KCNK10: variants seen among roughly 807,000 people sequenced by gnomAD.
KCNK10 encodes the protein potassium two pore domain channel subfamily K member 10, also known as potassium channel subfamily K member 10.
In KCNK10, 25 loss-of-function variants were observed where a neutral mutation model predicts 47.7. The observed-to-expected ratio is 0.52, with a 90% CI of 0.38 to 0.73. The LOEUF (loss-of-function observed/expected upper bound fraction) is 0.73. Ranked by LOEUF, KCNK10 falls within the 30% of genes least tolerant of loss-of-function variation. The pLI is 0.00. For synonymous variants in KCNK10, 303 were observed against 285.6 expected (o/e 1.06, Z -0.61); for missense variants, 563 against 714.5 (o/e 0.79, Z 2.42).
chr14:88,196,640 C>T (rs192085070), intron 4 of KCNK10, among the ~76,000 whole-genome samples: 2 of 152,192 alleles, frequency 1.3e-5, no homozygotes, highest in Admixed American at 6.5e-5. Context: ...GCCAGGATGT[C>T]GGGGATTTTA....
intron 1 of KCNK10, chr14:88,270,615 A>G: frequency 1.3e-6 from 1 of 747,196 alleles, no homozygotes; most frequent in Non-Finnish European, 2.5e-6. Context: ...CTGAGACCCT[A>G]TGGAGCCATG....
chr14:88,256,009 G>T (rs1886944554), intron 2 of KCNK10, among the ~76,000 whole-genome samples: 1 of 152,198 alleles, frequency 6.6e-6, no homozygotes, highest in African/African-American at 2.4e-5. Context: ...CAGCTCTGCA[G>T]GAAGTTACCC....
In KCNK10 at chr14:88,221,826, A is replaced by G. The variant is rs143809670; in HGVS notation, c.681+5549T>C. 1.4e-3 allele frequency among the ~76,000 whole-genome samples: 214 copies of G among 152,374 alleles called. 1 individual carries two copies. The highest frequency in any genetic ancestry group is 0.01 in the Middle Eastern group (3 of 294). ...GATGTCCTTCAGTAGGTGAATGGAT[A>G]CATAAACTATGGTACACCCAGAAAA... On this transcript the variant is annotated intron_variant, in intron 4 of 6. Transcript: ENST00000319231.
At chr14:88,302,673 G>GCACT (rs2139791538) in intron 1 of KCNK10, among the ~76,000 whole-genome samples, 1 of 152,296 alleles carries the variant, frequency 6.6e-6, no homozygotes, top group Non-Finnish European at 1.5e-5. Context: ...TCGTGCCACT[G>GCACT]CACTCCAGCC....
chr14:88,324,877 C>G (rs115419616), upstream of KCNK10, among the ~76,000 whole-genome samples: 1,501 of 152,280 alleles, frequency 9.9e-3, 24 homozygotes, highest in African/African-American at 0.034. Flanking sequence ...CCGCTGTGGT[C>G]TGTGGGAAAG....
At chr14:88,197,594 A>T (rs1884958126) in intron 4 of KCNK10, among the ~76,000 whole-genome samples, 1 of 141,288 alleles carries the variant, frequency 7.1e-6, no homozygotes, top group Admixed American at 8.4e-5. Context: ...AAAAAAAAAA[A>T]AAAAAAAAAA....
intron 1 of KCNK10, among the ~76,000 whole-genome samples, chr14:88,280,719 T>C (rs760343457): frequency 2.0e-5 from 3 of 152,094 alleles, no homozygotes; most frequent in Non-Finnish European, 4.4e-5. Context: ...CCCTCCCCAA[T>C]AGTTCTCTCA....
intron 1 of KCNK10, among the ~76,000 whole-genome samples, chr14:88,286,191 C>T (rs1400646858): frequency 6.6e-6 from 1 of 152,178 alleles, no homozygotes; most frequent in East Asian, 1.9e-4. Context: ...CCTAACCCCA[C>T]AGACACCTGT....
chr14:88,301,071 G>A (rs983963537), intron 1 of KCNK10, among the ~76,000 whole-genome samples: 2 of 152,110 alleles, frequency 1.3e-5, no homozygotes, highest in African/African-American at 4.8e-5. Context: ...AACATTAATC[G>A]AAAGCTACCA....
At chr14:88,246,793 C>T (rs890960264) in intron 2 of KCNK10, among the ~76,000 whole-genome samples, 2 of 152,250 alleles carry the variant, frequency 1.3e-5, no homozygotes, top group African/African-American at 4.8e-5. Context: ...TTCAGCTTCT[C>T]TGAACCTTGA....
At chr14:88,251,674 A>T (rs1886804285) in intron 2 of KCNK10, among the ~76,000 whole-genome samples, 1 of 152,248 alleles carries the variant, frequency 6.6e-6, no homozygotes, top group Non-Finnish European at 1.5e-5. Context: ...GATTGACCAG[A>T]TTATATCACT....
At chr14:88,287,943 G>A (rs1480462065) in intron 1 of KCNK10, among the ~76,000 whole-genome samples, 2 of 152,150 alleles carry the variant, frequency 1.3e-5, no homozygotes, top group Admixed American at 1.3e-4. Flanking sequence ...TTTCCATAGT[G>A]GTTGTATTCC....
At chr14:88,251,654 G>C (rs1337174150) in intron 2 of KCNK10, among the ~76,000 whole-genome samples, 3 of 152,180 alleles carry the variant, frequency 2.0e-5, no homozygotes, top group Non-Finnish European at 4.4e-5. Flanking sequence ...AACCAAAATG[G>C]CAATGTACTG....
intron 4 of KCNK10, among the ~76,000 whole-genome samples, chr14:88,199,977 CTTTCTTTCTT>C (rs1885047848): frequency 6.6e-6 from 1 of 152,048 alleles, no homozygotes; most frequent in African/African-American, 2.4e-5. Context: ...CTTTCTCTTT[CTTTCTTTCTT>C]TTTCTTTCTT....
chr14:88,220,184 G>C (rs941213632), intron 4 of KCNK10, among the ~76,000 whole-genome samples: 1 of 151,962 alleles, frequency 6.6e-6, no homozygotes, highest in African/African-American at 2.4e-5. Flanking sequence ...TTGGGAGGCC[G>C]AGGCGGGCGG....
intron 4 of KCNK10, among the ~76,000 whole-genome samples, chr14:88,206,004 C>T (rs1488139203): frequency 6.6e-6 from 1 of 152,044 alleles, no homozygotes; most frequent in Non-Finnish European, 1.5e-5. Flanking sequence ...AGGTACATAA[C>T]ATAGAAAGGT....
chr14:88,269,999 C>T (rs1595116082), intron 1 of KCNK10, among the ~76,000 whole-genome samples: 1 of 152,282 alleles, frequency 6.6e-6, no homozygotes, highest in East Asian at 1.9e-4. Flanking sequence ...GTGCCACGGT[C>T]ACACAGCAGC....
In KCNK10 at chr14:88,323,094, G is replaced by A. The variant is rs918526047; in HGVS notation, c.-296C>T. ...ATGAAAGGATGGAGAGGAAGGCTTG[G>A]GGAGATGGAAGAGCCAAGCTGCTTC... On this transcript the variant is annotated 5_prime_UTR_variant, in exon 1 of 7. Coordinates refer to ENST00000319231, the MANE Select transcript of KCNK10 (RefSeq NM_138317.3). 46 of 1,228,702 alleles carry A rather than the reference G, an allele frequency of 3.7e-5. 1 individual carries two copies. Among genetic ancestry groups the A allele is most frequent in the Admixed American group, 7.5e-5 (2 of 26,700 alleles). 76.1% of individuals were successfully genotyped at this position (1,228,702 alleles called of 1,614,324 possible). A position where few individuals can be genotyped will look rare whatever the true frequency, so the allele number is the denominator to read the frequency against.
chr14:88,300,603 A>G (rs192773261), intron 1 of KCNK10, among the ~76,000 whole-genome samples: 107 of 152,328 alleles, frequency 7.0e-4, no homozygotes, highest in African/African-American at 2.5e-3. Flanking sequence ...GCACCTGCTC[A>G]CTACGTAATT....
Sources: gnomAD v4.1 joint callset for allele counts (sites outside exome capture counted in the v4.1 genomes callset) on GRCh38, gnomAD v4.1.1 for gene constraint, MANE v1.5 for transcripts, NCBI Gene and HGNC (gene_info 2026-07-23, HGNC 2026-07-21) for gene names.